TBL3: variants seen among roughly 807,000 people sequenced by gnomAD.
TBL3 encodes the protein transducin beta like 3.
Under a neutral mutation model 102.7 loss-of-function variants are expected in TBL3, and 71 were observed. The observed-to-expected ratio is 0.69, with a 90% confidence interval of 0.57 to 0.84. The LOEUF is 0.84. TBL3 is among the 40% of genes least tolerant of loss of function. TBL3 has a pLI of 0.00. For missense variants in TBL3, 1,188 were observed against 1,098.5 expected (o/e 1.08, Z -1.15); for synonymous variants, 578 against 477.7 (o/e 1.21, Z -2.74).
rs375415353 is a variant in TBL3, at chr16:1,974,227, G to A, written c.124G>A (p.Val42Ile). The change falls in exon 3 of 22, where the codon GTC (valine) becomes ATC (isoleucine). Residue 42 changes from valine (V) to isoleucine (I), a missense_variant. Coordinates refer to ENST00000568546, the MANE Select transcript of TBL3 (RefSeq NM_006453.3). Reference protein sequence around the residue: ...LDQTGQHLFCVCGTRVNILEV... With the variant: ...LDQTGQHLFCICGTRVNILEV... ...CCAGACTGGCCAGCACCTCTTCTGC[G>A]TCTGTGGCACCAGAGTCAACATTCT... The A allele has an allele frequency of 5.8e-5, 93 of 1,602,764 alleles. No homozygotes were observed. Among genetic ancestry groups the A allele is most frequent in the Middle Eastern group, 1.7e-4 (1 of 6,040 alleles).
Position 1,981,478 on chromosome 16 carries a change from G to A in TBL3, c.*2793G>A, listed in dbSNP as rs2083509574. The A allele has an allele frequency of 5.5e-6, 3 of 547,456 alleles. No homozygotes were observed. Among genetic ancestry groups the A allele is most frequent in the Non-Finnish European group, 9.1e-6 (3 of 330,450 alleles). The allele number at this position is 547,456 out of a possible 1,614,324, so 33.9% of individuals were successfully genotyped here. A position where few individuals can be genotyped will look rare whatever the true frequency, so the allele number is the denominator to read the frequency against. On this transcript the variant is annotated 3_prime_UTR_variant, in exon 22 of 22. Coordinates refer to ENST00000568546, the MANE Select transcript of TBL3 (RefSeq NM_006453.3). Reference sequence around the variant, plus strand: ...TGGAGGCGTGCAAGACTGAAGAAGGGGCGAAGGGTAGGCGGGACTGCTGCC... The same window carrying A: ...TGGAGGCGTGCAAGACTGAAGAAGGAGCGAAGGGTAGGCGGGACTGCTGCC...
rs771037121 is a variant in TBL3 at position 1,974,390 on chromosome 16, C to T, written c.204C>T (p.Asp68=). ...LRSLEQEDQE[D]ITAFDLSPDN... ...CTTTCTCCTAGGAGGACCAGGAGGA[C>T]ATCACTGCCTTTGACCTCAGCCCTG... The change falls in exon 4 of 22, where the codon GAC becomes GAT. Residue 68 remains aspartate, a synonymous_variant. Transcript: ENST00000568546. 6.2e-7 allele frequency: 1 copy of T among 1,610,826 alleles called. No homozygotes were observed. Among genetic ancestry groups the T allele is most frequent in the Admixed American group, 1.7e-5 (1 of 59,724 alleles).
rs535036306 is a variant in TBL3, at chr16:1,978,978, A to G, written c.*293A>G. 3 of 1,382,140 alleles carry G rather than the reference A, an allele frequency of 2.2e-6. No individual in the cohort carries two copies. The South Asian group carries it at 4.0e-5, about 18-fold the overall frequency. 85.6% of individuals were successfully genotyped at this position (1,382,140 alleles called of 1,614,324 possible). On this transcript the variant is annotated 3_prime_UTR_variant, in exon 22 of 22. Coordinates refer to ENST00000568546, the MANE Select transcript of TBL3 (RefSeq NM_006453.3). ...TGGCCCCCTCCCATCCCTGCTGGCC[A>G]GGGAGATCCGCCCTCCCCGCTCCTC...
rs2083477090 is a variant in TBL3 at position 1,980,321 on chromosome 16, G to T, written c.*1636G>T. Reference sequence around the variant, plus strand: ...TCCCCCCCACCCTGGACCTCTCCCAGCTCCAAACGCCGCTGCATGCTGGGA... The same window carrying T: ...TCCCCCCCACCCTGGACCTCTCCCATCTCCAAACGCCGCTGCATGCTGGGA... On this transcript the variant is annotated 3_prime_UTR_variant, in exon 22 of 22. Transcript: ENST00000568546. 7.6e-6 allele frequency: 12 copies of T among 1,574,590 alleles called. No individual in the cohort carries two copies. The highest frequency in any genetic ancestry group is 9.4e-6 in the Non-Finnish European group (11 of 1,165,106).
chr16:1,976,317 A>T lies in TBL3; in HGVS notation c.1292+3A>T. On this transcript the variant is annotated splice_donor_region_variant and intron_variant, in intron 13 of 21. Transcript: ENST00000568546. ...GTGGGCACCGTCTGCTGCTCTAGGT[A>T]GTGAGTCGGGGCTGGGCCCAGGGGT... 1 of 1,611,864 alleles carries T rather than the reference A, an allele frequency of 6.2e-7. No homozygotes were observed. The highest frequency in any genetic ancestry group is 8.5e-7 in the Non-Finnish European group (1 of 1,179,030).
rs771734246 is a variant in TBL3 at position 1,978,197 on chromosome 16, T to C, written c.2111T>C (p.Leu704Pro). Residue 704 changes from leucine (L) to proline (P), a missense_variant, in exon 20 of 22, where the codon CTC (leucine) becomes CCC (proline). By Grantham distance (98) the Leu-to-Pro change is moderately conservative. Transcript: ENST00000568546. ...EACEKLEATM[L>P]RLRRDQKEAL... ...TGCGAGAAGCTGGAAGCCACCATGC[T>C]CCGACTGCGGCGCGACCAGAAAGGT... The C allele has an allele frequency of 6.2e-6, 10 of 1,612,726 alleles. No homozygotes were observed. The highest frequency in any genetic ancestry group is 2.2e-5 in the East Asian group (1 of 44,880).
Position 1,979,366 on chromosome 16 carries a change from G to A in TBL3, c.*681G>A, listed in dbSNP as rs1332099915. The A allele has an allele frequency of 6.3e-7, 1 of 1,586,354 alleles. No individual in the cohort carries two copies. Among genetic ancestry groups the A allele is most frequent in the East Asian group, 2.3e-5 (1 of 43,484 alleles). ...TCGCCGTACCTGCGAGGGGCGGGGT[G>A]TGGTTAGGGCCCCGCCCGCCTCGGC... On this transcript the variant is annotated 3_prime_UTR_variant, in exon 22 of 22. Transcript: ENST00000568546.
Position 1,978,348 on chromosome 16 carries a change from A to C in TBL3, c.2170A>C (p.Asn724His), listed in dbSNP as rs1290561342. ...GCGCTTCTGCGTCACGTGGAACACCAACTCGCGGCACTGCCACGAGGCCCA... is the reference window on the plus strand; with the variant it reads ...GCGCTTCTGCGTCACGTGGAACACCCACTCGCGGCACTGCCACGAGGCCCA... ...LLRFCVTWNT[N>H]SRHCHEAQAV... Residue 724 changes from asparagine (N) to histidine (H), a missense_variant, in exon 21 of 22, where the codon AAC (asparagine) becomes CAC (histidine). Physicochemically the swap from Asn to His is moderately conservative, Grantham distance 68. Coordinates refer to ENST00000568546, the MANE Select transcript of TBL3 (RefSeq NM_006453.3). 1 of 1,611,168 alleles carries C rather than the reference A, an allele frequency of 6.2e-7. No homozygotes were observed. The highest frequency in any genetic ancestry group is 8.5e-7 in the Non-Finnish European group (1 of 1,178,908).
Position 1,979,122 on chromosome 16 carries a change from C to T in TBL3, c.*437C>T, listed in dbSNP as rs763453062. The T allele has an allele frequency of 8.0e-5, 118 of 1,479,366 alleles. 1 individual carries two copies. Among genetic ancestry groups the T allele is most frequent in the South Asian group, 2.1e-4 (16 of 77,076 alleles). The allele number at this position is 1,479,366 out of a possible 1,614,324, so 91.6% of individuals were successfully genotyped here. A position where few individuals can be genotyped will look rare whatever the true frequency, so the allele number is the denominator to read the frequency against. On this transcript the variant is annotated 3_prime_UTR_variant, in exon 22 of 22. Coordinates refer to ENST00000568546, the MANE Select transcript of TBL3 (RefSeq NM_006453.3). ...AGGGCGGCCCTGGCGCCGTGGGCGC[C>T]GCTCCAGGGCCCTGCGTGTGACGGT...
chr16:1,973,549 A>C (rs1325121257), intron 1 of TBL3, among the ~76,000 whole-genome samples: 1 of 152,192 alleles, frequency 6.6e-6, no homozygotes. Context: ...TGGAGAAGGA[A>C]GGAGAAGGGG....
At position 1,978,006 on chromosome 16, in the gene TBL3, G is replaced by T; in HGVS notation, c.2007G>T (p.Ala669=). Residue 669 remains alanine, a synonymous_variant, in exon 19 of 22, where the codon GCG becomes GCT. Coordinates refer to ENST00000568546, the MANE Select transcript of TBL3 (RefSeq NM_006453.3). ...TGCATGAGAAGCGGTACCTGCGGGC[G>T]CTGGGCCTGGCCATCTCCCTGGATC... ...NLLHEKRYLR[A]LGLAISLDRP... 6.2e-7 allele frequency: 1 copy of T among 1,607,070 alleles called. No individual in the cohort carries two copies. Among genetic ancestry groups the T allele is most frequent in the Non-Finnish European group, 8.5e-7 (1 of 1,176,654 alleles).
At position 1,974,125 on chromosome 16, in the gene TBL3, G is replaced by T; in HGVS notation, c.93+18G>T. 6.3e-7 allele frequency: 1 copy of T among 1,579,946 alleles called. No individual in the cohort carries two copies. On this transcript the variant is annotated intron_variant, in intron 2 of 21. Coordinates refer to ENST00000568546, the MANE Select transcript of TBL3 (RefSeq NM_006453.3). ...AAGCACAGGTACCAGCCTGGGGAAG[G>T]GCAGTGGGGCGGGCAGCCAGAGGCC...
Position 1,978,027 on chromosome 16 carries a change from G to C in TBL3, c.2028G>C (p.Leu676=). The C allele has an allele frequency of 6.2e-7, 1 of 1,607,778 alleles. No individual in the cohort carries two copies. Residue 676 remains leucine (L), a synonymous_variant, in exon 19 of 22, where the codon CTG becomes CTC. Transcript: ENST00000568546. ...GGGCGCTGGGCCTGGCCATCTCCCT[G>C]GATCGGCCCCACACCGTGCTGACTG... ...YLRALGLAIS[L]DRPHTVLTVI...
At chr16:1,974,499 G>A in intron 4 of TBL3, 39 bp from the exon 5 acceptor site, 2 of 1,587,584 alleles carry the variant, frequency 1.3e-6, no homozygotes, top group South Asian at 2.3e-5. Context: ...ATGTGAGCAG[G>A]GTATTGCTGC....
chr16:1,977,626 C>T lies in TBL3; in HGVS notation c.1855C>T (p.His619Tyr). 1 of 1,554,306 alleles carries T rather than the reference C, an allele frequency of 6.4e-7. No homozygotes were observed. The highest frequency in any genetic ancestry group is 8.7e-7 in the Non-Finnish European group (1 of 1,148,446). Reference protein sequence around the residue: ...WGLHCSRLDDHALTGASDSRV... With the variant: ...WGLHCSRLDDYALTGASDSRV... Reference sequence around the variant, plus strand: ...GCTGCACTGCAGCCGGCTGGACGACCACGCCCTCACTGGGGCCAGTGACTC... The same window carrying T: ...GCTGCACTGCAGCCGGCTGGACGACTACGCCCTCACTGGGGCCAGTGACTC... Residue 619 changes from histidine (H) to tyrosine (Y), a missense_variant, in exon 17 of 22, where the codon CAC becomes TAC. Physicochemically the swap from His to Tyr is moderately conservative, Grantham distance 83 (BLOSUM62 2). Coordinates refer to ENST00000568546, the MANE Select transcript of TBL3 (RefSeq NM_006453.3).
Position 1,977,401 on chromosome 16 carries a change from A to G in TBL3, c.1717A>G (p.Ser573Gly). ...TTCTGTGCTGAAGGTGGCCTTTGTG[A>G]GCCGTGGCACGCAGCTGCTGTCCAG... Reference protein sequence around the residue: ...DASVLKVAFVSRGTQLLSSGS... With the variant: ...DASVLKVAFVGRGTQLLSSGS... Residue 573 changes from serine (S) to glycine (G), a missense_variant, in exon 16 of 22, where the codon AGC (serine) becomes GGC (glycine). Coordinates refer to ENST00000568546, the MANE Select transcript of TBL3 (RefSeq NM_006453.3). The G allele has an allele frequency of 1.2e-6, 2 of 1,608,986 alleles. No homozygotes were observed. Among genetic ancestry groups the G allele is most frequent in the Non-Finnish European group, 1.7e-6 (2 of 1,178,768 alleles).
In TBL3 at chr16:1,975,539, C is replaced by T. The variant is rs780716466; in HGVS notation, c.816C>T (p.Arg272=). 3.8e-6 allele frequency: 6 copies of T among 1,597,716 alleles called. No individual in the cohort carries two copies. Among genetic ancestry groups the T allele is most frequent in the East Asian group, 2.2e-5 (1 of 44,774 alleles). Residue 272 remains arginine (R), a synonymous_variant, in exon 10 of 22, where the codon CGC becomes CGT. Coordinates refer to ENST00000568546, the MANE Select transcript of TBL3 (RefSeq NM_006453.3). The stretch of plus-strand genomic sequence containing the variant: ...TCCCCACCCACACAGGCACTCTGCG[C>T]GTGTGGGAGGCAGCTTCTGGGCAGT... ...FLTAGDQGTL[R]VWEAASGQCV... is the part of the protein sequence containing the mutation.
chr16:1,975,047 ACAGCGCCGTCACCTCACTGGCCTT>A lies in TBL3; in HGVS notation c.593_616del (p.Val198_Ala205del), dbSNP rs755273248. ...TGCCTGGCTGTGCTGACTGCCCACTACAGCGCCGTCACCTCACTGGCCTTCAGCGCCGACGGCCACACCATGCTC... is the reference window on the plus strand; with the variant it reads ...TGCCTGGCTGTGCTGACTGCCCACTACAGCGCCGACGGCCACACCATGCTC... On this transcript the variant is annotated inframe_deletion, in exon 7 of 22. Transcript: ENST00000568546. 1 of 1,607,704 alleles carries A rather than the reference ACAGCGCCGTCACCTCACTGGCCTT, an allele frequency of 6.2e-7. No individual in the cohort carries two copies. The highest frequency in any genetic ancestry group is 1.1e-5 in the South Asian group (1 of 91,078).
Position 1,978,786 on chromosome 16 carries a change from A to C in TBL3, c.*101A>C. Reference sequence around the variant, plus strand: ...TCTCTGGACTGCAGTCCAGCCCCCCACCCTGGCCAACACCCTACCTAGCCA... The same window carrying C: ...TCTCTGGACTGCAGTCCAGCCCCCCCCCCTGGCCAACACCCTACCTAGCCA... On this transcript the variant is annotated 3_prime_UTR_variant, in exon 22 of 22. Coordinates refer to ENST00000568546, the MANE Select transcript of TBL3 (RefSeq NM_006453.3). 3.5e-6 allele frequency: 5 copies of C among 1,414,980 alleles called. No homozygotes were observed. The highest frequency in any genetic ancestry group is 2.3e-5 in the East Asian group (1 of 42,814). 87.7% of individuals were successfully genotyped at this position (1,414,980 alleles called of 1,614,324 possible). A position where few individuals can be genotyped will look rare whatever the true frequency, so the allele number is the denominator to read the frequency against.
Sources: allele counts gnomAD v4.1 joint callset (sites outside exome capture counted in the v4.1 genomes callset), GRCh38; gene constraint gnomAD v4.1.1; transcripts MANE v1.5; gene names NCBI Gene and HGNC (gene_info 2026-07-23, HGNC 2026-07-21).